The following IPO8 variants were observed in gnomAD, a reference collection of about 807,000 sequenced individuals.
IPO8 encodes the protein importin-8.
IPO8 carries 65 observed loss-of-function variants against 141.2 expected under a neutral mutation model. The observed-to-expected ratio is 0.46, with a 90% CI of 0.38 to 0.57. IPO8 has a LOEUF of 0.57. Ranked by LOEUF, IPO8 falls within the 20% of genes least tolerant of loss-of-function variation. The pLI is 0.00. For missense variants in IPO8, 980 were observed against 1,246.8 expected (o/e 0.79, Z 3.22); for synonymous variants, 411 against 420.3 (o/e 0.98, Z 0.27).
chr12:30,632,965 T>A (rs1210292359), intron 23 of IPO8, among the ~76,000 whole-genome samples: 2 of 152,204 alleles, frequency 1.3e-5, no homozygotes, highest in Non-Finnish European at 2.9e-5. Context: ...TTGAGAAGCA[T>A]CTTTAAAAAT....
At chr12:30,672,694 A>G (rs7302606) in intron 8 of IPO8, among the ~76,000 whole-genome samples, 24,421 of 152,096 alleles carry the variant, frequency 0.16, 2,671 homozygotes, top group Middle Eastern at 0.29. Flanking sequence ...AGTGGACAGC[A>G]CTGGGAGGGG....
intron 9 of IPO8, 52 bp from the exon 10 acceptor site, chr12:30,669,334 T>A: frequency 1.2e-6 from 1 of 833,404 alleles, no homozygotes; most frequent in Non-Finnish European, 1.9e-6. Flanking sequence ...GCTATTCAAG[T>A]TTGAGGAATA....
At chr12:30,655,528 G>C (rs1332248366) in intron 17 of IPO8, among the ~76,000 whole-genome samples, 2 of 152,000 alleles carry the variant, frequency 1.3e-5, no homozygotes, top group African/African-American at 4.8e-5. Context: ...TCACCATTTT[G>C]ACCAACATCT....
chr12:30,663,798 A>G, intron 13 of IPO8, 144 bp from the exon 14 acceptor site: 1 of 506,288 alleles, frequency 2.0e-6, no homozygotes, highest in Non-Finnish European at 3.1e-6. Flanking sequence ...CTTAGTTTCT[A>G]ACTTCTACAT....
chr12:30,675,553 C>T lies in IPO8; in HGVS notation c.730-800G>A, dbSNP rs575946535. On this transcript the variant is annotated intron_variant, in intron 6 of 24. Coordinates refer to ENST00000256079, the MANE Select transcript of IPO8 (RefSeq NM_006390.4). ...AACAAAAATGACAGTATAGGCCAGGCGCGGTGGCTCACGCCTGTAATCCCA... is the reference window on the plus strand; with the variant it reads ...AACAAAAATGACAGTATAGGCCAGGTGCGGTGGCTCACGCCTGTAATCCCA... Among the ~76,000 whole-genome samples the T allele has an allele frequency of 7.2e-5, 11 of 151,944 alleles. No homozygotes were observed. The East Asian group carries it at 1.7e-3, about 24-fold the overall frequency.
At chr12:30,662,839 T>C (rs2052907840) in intron 14 of IPO8, among the ~76,000 whole-genome samples, 1 of 152,106 alleles carries the variant, frequency 6.6e-6, no homozygotes. Flanking sequence ...TAAAAAATCA[T>C]GTACGTGAAG....
At chr12:30,660,932 C>T (rs55878505) in intron 16 of IPO8, among the ~76,000 whole-genome samples, 1 of 32,674 alleles carries the variant, frequency 3.1e-5, no homozygotes, top group African/African-American at 2.3e-4. Context: ...ATAATATTTA[C>T]ATTATAATAT....
At chr12:30,661,675 A>C (rs1591833365) in intron 15 of IPO8, among the ~76,000 whole-genome samples, 1 of 151,990 alleles carries the variant, frequency 6.6e-6, no homozygotes, top group East Asian at 1.9e-4. Context: ...TAAGAGACAC[A>C]GTCCAGATGT....
chr12:30,672,333 A>G (rs1726700063), intron 8 of IPO8, among the ~76,000 whole-genome samples: 1 of 152,242 alleles, frequency 6.6e-6, no homozygotes, highest in Non-Finnish European at 1.5e-5. Context: ...GTCATCATGT[A>G]GAAACCCCTT....
chr12:30,666,938 GT>G (rs1287466586), intron 10 of IPO8, among the ~76,000 whole-genome samples: 7 of 152,158 alleles, frequency 4.6e-5, no homozygotes, highest in African/African-American at 1.7e-4. Flanking sequence ...AGTTCAGCAG[GT>G]TTTGTTGAAT....
chr12:30,666,901 G>T (rs1025441427), intron 10 of IPO8, among the ~76,000 whole-genome samples: 8 of 152,174 alleles, frequency 5.3e-5, no homozygotes, highest in African/African-American at 1.9e-4. Flanking sequence ...GGACTGCTAG[G>T]ACCATGCCTG....
At chr12:30,660,270 T>C (rs1310285295) in intron 16 of IPO8, among the ~76,000 whole-genome samples, 1 of 152,188 alleles carries the variant, frequency 6.6e-6, no homozygotes, top group Admixed American at 6.5e-5. Flanking sequence ...GCTTCCTAAG[T>C]GCTCACCTTG....
At chr12:30,664,306 T>C (rs2052931013) in intron 13 of IPO8, among the ~76,000 whole-genome samples, 1 of 152,232 alleles carries the variant, frequency 6.6e-6, no homozygotes, top group African/African-American at 2.4e-5. Context: ...TTTGCCCAGA[T>C]ATTGCGCTAG....
intron 1 of IPO8, among the ~76,000 whole-genome samples, chr12:30,691,059 C>T (rs1043271592): frequency 2.0e-5 from 3 of 152,072 alleles, no homozygotes; most frequent in Admixed American, 2.0e-4. Context: ...TTAATAAATT[C>T]TAAGAGCTAT....
chr12:30,676,927 A>T (rs1320129445), intron 5 of IPO8: 1 of 1,532,262 alleles, frequency 6.5e-7, no homozygotes, highest in Non-Finnish European at 8.7e-7. Context: ...CATTTTAACC[A>T]CCTTGATGAA....
intron 2 of IPO8, chr12:30,686,561 T>G (rs2053244487): frequency 6.6e-6 from 1 of 152,218 alleles, no homozygotes; most frequent in Admixed American, 6.6e-5. Flanking sequence ...CTGCCCAGGC[T>G]GGTCTTGAAC....
chr12:30,666,771 A>G (rs10843811), intron 10 of IPO8, among the ~76,000 whole-genome samples: 83,094 of 151,938 alleles, frequency 0.55, 23,333 homozygotes, highest in African/African-American at 0.67. Context: ...GGGTGTTAGC[A>G]AAAGCCTCTC....
chr12:30,661,310 T>C, intron 15 of IPO8, 44 bp from the exon 16 acceptor site: 1 of 1,511,614 alleles, frequency 6.6e-7, no homozygotes, highest in Non-Finnish European at 8.8e-7. Flanking sequence ...GTAGTACTGT[T>C]ACGTCCCCGC....
In IPO8 at chr12:30,662,333, T is replaced by C. The variant is rs1367117451; in HGVS notation, c.1749A>G (p.Gln583=). The part of the protein sequence containing the change: ...EVASIAVDMT[Q]HLAEIFGKVL... ...TAAAACTGCCCGGTCTTACCAAGTG[T>C]TGGGTCATATCAACAGCAATTGAGG... is the stretch of plus-strand genomic sequence containing the variant. Residue 583 remains glutamine, a synonymous_variant, in exon 15 of 25, where the codon CAA becomes CAG. Coordinates refer to ENST00000256079, the MANE Select transcript of IPO8 (RefSeq NM_006390.4). The C allele has an allele frequency of 6.2e-7, 1 of 1,612,940 alleles. No homozygotes were observed. The highest frequency in any genetic ancestry group is 1.1e-5 in the South Asian group (1 of 90,920).
Sources: gnomAD v4.1 joint callset for allele counts (sites outside exome capture counted in the v4.1 genomes callset) on GRCh38, gnomAD v4.1.1 for gene constraint, MANE v1.5 for transcripts, NCBI Gene and HGNC (gene_info 2026-07-23, HGNC 2026-07-21) for gene names.